LIMS1: variants seen among roughly 807,000 people sequenced by gnomAD.
LIMS1 encodes the protein LIM zinc finger domain containing 1.
In LIMS1, 18 loss-of-function variants were observed where a neutral mutation model predicts 44.1. The observed-to-expected ratio is 0.41, with a 90% CI of 0.28 to 0.61. The LOEUF (loss-of-function observed/expected upper bound fraction) is 0.61, where lower values mean the gene tolerates loss of function less well. Among genes scored for constraint, LIMS1 ranks in the 20% least tolerant of loss-of-function variants. The probability of loss-of-function intolerance (pLI) is 0.32; values close to 1 mark genes in which losing one functional copy is unlikely to be tolerated. For missense variants in LIMS1, 201 were observed against 422.0 expected (o/e 0.48, Z 4.59); for synonymous variants, 93 against 149.1 (o/e 0.62, Z 2.74).
At chr2:108,595,377 A>T (rs1377402377) in intron 1 of LIMS1, among the ~76,000 whole-genome samples, 1 of 152,190 alleles carries the variant, frequency 6.6e-6, no homozygotes, top group East Asian at 1.9e-4. Context: ...ACTACCTTAT[A>T]TGGGAATTCC....
At chr2:108,627,479 AT>A (rs1399586886) in intron 1 of LIMS1, among the ~76,000 whole-genome samples, 1 of 148,006 alleles carries the variant, frequency 6.8e-6, no homozygotes, top group Non-Finnish European at 1.5e-5. Flanking sequence ...TCAATCTGTA[AT>A]TTTGTTGTCA....
At chr2:108,683,745 T>C in intron 9 of LIMS1, 140 bp from the exon 10 acceptor site, 2 of 438,540 alleles carry the variant, frequency 4.6e-6, no homozygotes, top group South Asian at 4.8e-5. Context: ...GTTAGGATTA[T>C]GGTTTTTTTA....
chr2:108,667,547 A>ATATATATAT (rs1248370235), intron 2 of LIMS1, among the ~76,000 whole-genome samples: 9 of 72,464 alleles, frequency 1.2e-4, no homozygotes, highest in African/African-American at 4.1e-4. Context: ...TTAAAAAAAA[A>ATATATATAT]AAAAATATAT....
chr2:108,563,602 G>A (rs182767281), intron 1 of LIMS1, among the ~76,000 whole-genome samples: 1 of 152,328 alleles, frequency 6.6e-6, no homozygotes, highest in Admixed American at 6.5e-5. Flanking sequence ...TTGAACAGAT[G>A]AGGGGTTGCT....
chr2:108,573,194 T>C (rs942771463), intron 1 of LIMS1, among the ~76,000 whole-genome samples: 3 of 152,246 alleles, frequency 2.0e-5, no homozygotes, highest in African/African-American at 7.2e-5. Flanking sequence ...AAATACTTAC[T>C]CTCAATTTCT....
chr2:108,569,555 C>T (rs1198763354), intron 1 of LIMS1, among the ~76,000 whole-genome samples: 1 of 152,020 alleles, frequency 6.6e-6, no homozygotes, highest in Non-Finnish European at 1.5e-5. Context: ...TTCCTAGCAT[C>T]ATTTGTTGAA....
chr2:108,640,910 T>A (rs1158564074), intron 1 of LIMS1, among the ~76,000 whole-genome samples: 4 of 152,090 alleles, frequency 2.6e-5, no homozygotes, highest in Admixed American at 1.3e-4. Flanking sequence ...TAATGTTGAG[T>A]CCCTTAACCT....
chr2:108,590,607 C>A (rs1686335349), intron 1 of LIMS1, among the ~76,000 whole-genome samples: 1 of 152,214 alleles, frequency 6.6e-6, no homozygotes, highest in African/African-American at 2.4e-5. Context: ...TAAGAGACGG[C>A]ACCATGGAGG....
chr2:108,570,130 A>G (rs1049188361), intron 1 of LIMS1, among the ~76,000 whole-genome samples: 7 of 152,218 alleles, frequency 4.6e-5, no homozygotes, highest in Middle Eastern at 3.4e-3. Context: ...AAGGAAATCA[A>G]GACATTATAG....
intron 5 of LIMS1, chr2:108,674,027 T>A (rs1410232301): frequency 1.3e-5 from 2 of 152,146 alleles, no homozygotes; most frequent in African/African-American, 4.8e-5. Flanking sequence ...GTATAAAAAT[T>A]TAGTGGATAA....
chr2:108,626,606 G>A (rs937986144), intron 1 of LIMS1, among the ~76,000 whole-genome samples: 8 of 152,250 alleles, frequency 5.3e-5, no homozygotes, highest in South Asian at 2.1e-4. Context: ...CATCTAGCAC[G>A]TACTGCAGTT....
chr2:108,624,018 T>G (rs144764806), intron 1 of LIMS1, among the ~76,000 whole-genome samples: 2 of 152,344 alleles, frequency 1.3e-5, no homozygotes, highest in East Asian at 3.9e-4. Context: ...CTTCCTAGAC[T>G]TTTGTTTTAA....
chr2:108,611,337 T>C (rs1687586965), intron 1 of LIMS1, among the ~76,000 whole-genome samples: 1 of 152,212 alleles, frequency 6.6e-6, no homozygotes, highest in Non-Finnish European at 1.5e-5. Flanking sequence ...TACATCTAGC[T>C]CTTGACCAAG....
chr2:108,628,517 A>G (rs1266795806), intron 1 of LIMS1, among the ~76,000 whole-genome samples: 1 of 152,236 alleles, frequency 6.6e-6, no homozygotes, highest in African/African-American at 2.4e-5. Context: ...TTGAAGAGGC[A>G]GTGAAATCAA....
Position 108,535,477 on chromosome 2 carries a change from A to T in LIMS1, c.32+883A>T, listed in dbSNP as rs554096075. On this transcript the variant is annotated intron_variant, in intron 1 of 9. Transcript: ENST00000544547. ...CTGTCAGTGGCCTTTGCACACAGTT[A>T]CGTTAAAATTCCTTGGTCTGTCTTG... 9.9e-5 allele frequency among the ~76,000 whole-genome samples: 15 copies of T among 152,234 alleles called. 1 individual carries two copies. In the South Asian group the frequency reaches 2.9e-3, roughly 29 times the overall value.
intron 8 of LIMS1, chr2:108,678,717 G>C (rs985286837): frequency 6.6e-6 from 1 of 152,200 alleles, no homozygotes; most frequent in Non-Finnish European, 1.5e-5. Flanking sequence ...TGAAATAGAT[G>C]CCAGGTGAAA....
chr2:108,540,994 G>A (rs1478436556), intron 1 of LIMS1, among the ~76,000 whole-genome samples: 1 of 152,162 alleles, frequency 6.6e-6, no homozygotes, highest in Non-Finnish European at 1.5e-5. Flanking sequence ...TAGTACATTT[G>A]GAAATGTCTG....
chr2:108,602,404 G>A (rs1055602820), intron 1 of LIMS1, among the ~76,000 whole-genome samples: 9 of 152,108 alleles, frequency 5.9e-5, no homozygotes, highest in Non-Finnish European at 1.3e-4. Flanking sequence ...GTTTTTCCCC[G>A]CAGTATGATA....
At chr2:108,539,259 A>AT (rs1011683802) in intron 1 of LIMS1, among the ~76,000 whole-genome samples, 14 of 152,038 alleles carry the variant, frequency 9.2e-5, no homozygotes, top group African/African-American at 3.4e-4. Context: ...AATATTTTGT[A>AT]TTTTTTGTAG....
Sources: gnomAD v4.1 joint callset for allele counts (sites outside exome capture counted in the v4.1 genomes callset) on GRCh38, gnomAD v4.1.1 for gene constraint, MANE v1.5 for transcripts, NCBI Gene and HGNC (gene_info 2026-07-23, HGNC 2026-07-21) for gene names.